The following APPL2 variants were observed in gnomAD, a reference collection of about 807,000 sequenced individuals.
APPL2 encodes the protein adaptor protein, phosphotyrosine interacting with PH domain and leucine zipper 2.
APPL2 carries 84 observed loss-of-function variants against 92.7 expected under a neutral mutation model. The ratio of observed to expected loss-of-function variants is 0.91; its 90% CI spans 0.76 to 1.09. The LOEUF is 1.09. Among genes scored for constraint, APPL2 ranks in the 50% least tolerant of loss-of-function variants. The pLI is 0.00. For missense variants in APPL2, 736 were observed against 824.5 expected (o/e 0.89, Z 1.31); for synonymous variants, 291 against 291.0 (o/e 1.00, Z 0.00).
chr12:105,188,963 A>G (rs143047619), intron 16 of APPL2, among the ~76,000 whole-genome samples: 118 of 152,360 alleles, frequency 7.7e-4, no homozygotes, highest in African/African-American at 2.4e-3. Flanking sequence ...ACAGTGGCGC[A>G]TAACTTGACA....
rs549234233 is a variant in APPL2, at chr12:105,215,902, G to T, written c.285+1167C>A. Among the ~76,000 whole-genome samples, 190 of 152,146 alleles carry T rather than the reference G, an allele frequency of 1.2e-3. 1 individual carries two copies. The highest frequency in any genetic ancestry group is 4.3e-3 in the African/African-American group (177 of 41,526). On this transcript the variant is annotated intron_variant, in intron 4 of 20. Coordinates refer to ENST00000258530, the MANE Select transcript of APPL2 (RefSeq NM_018171.5). ...ACTAAAAATACAAAAAATTAGCCGG[G>T]CGTAGTCCCAGCTACTCGGGAGGCT...
intron 2 of APPL2, among the ~76,000 whole-genome samples, chr12:105,225,907 A>C (rs1347068235): frequency 2.0e-5 from 3 of 152,246 alleles, no homozygotes; most frequent in Non-Finnish European, 4.4e-5. Flanking sequence ...TATACCGTGT[A>C]GTCTGATTAA....
intron 2 of APPL2, among the ~76,000 whole-genome samples, chr12:105,224,377 T>C (rs1204683874): frequency 1.3e-5 from 2 of 152,336 alleles, no homozygotes; most frequent in African/African-American, 2.4e-5. Context: ...ATTACAAAGC[T>C]GTGGGCTGAT....
intron 17 of APPL2, 93 bp downstream of exon 17, chr12:105,188,180 C>A (rs945258002): frequency 3.4e-5 from 47 of 1,401,390 alleles, no homozygotes; most frequent in Non-Finnish European, 4.6e-5. Context: ...GTAGTCTCTT[C>A]ATTCCAGTAC....
At chr12:105,186,676 TATATC>T (rs1555248098) in intron 17 of APPL2, among the ~76,000 whole-genome samples, 1 of 32,816 alleles carries the variant, frequency 3.0e-5, no homozygotes, top group East Asian at 1.6e-3. Context: ...ATATATATGA[TATATC>T]ATATATATAT....
intron 4 of APPL2, among the ~76,000 whole-genome samples, chr12:105,212,414 G>C (rs1375251513): frequency 2.0e-5 from 3 of 152,190 alleles, no homozygotes; most frequent in Admixed American, 2.0e-4. Context: ...CCCATTCTGT[G>C]AGTTAGGTAT....
chr12:105,221,154 T>C (rs183669441), intron 2 of APPL2, among the ~76,000 whole-genome samples: 4 of 152,328 alleles, frequency 2.6e-5, no homozygotes, highest in Admixed American at 6.5e-5. Context: ...AGCTAATTAA[T>C]CCACGCCCTG....
chr12:105,176,686 G>A, intron 19 of APPL2, 190 bp downstream of exon 19: 1 of 662,542 alleles, frequency 1.5e-6, no homozygotes, highest in South Asian at 2.4e-5. Context: ...TGGTTGATAG[G>A]TATTTTCCAC....
chr12:105,231,873 C>T (rs1476526747), intron 1 of APPL2, among the ~76,000 whole-genome samples: 1 of 152,198 alleles, frequency 6.6e-6, no homozygotes, highest in African/African-American at 2.4e-5. Context: ...ACTGGCTATC[C>T]TCATTTACTA....
At chr12:105,183,070 C>CTTTTTTTTTT (rs56345779) in intron 17 of APPL2, among the ~76,000 whole-genome samples, 1 of 88,398 alleles carries the variant, frequency 1.1e-5, no homozygotes. Flanking sequence ...GCAACCCCTG[C>CTTTTTTTTTT]TTTTTTTTTT....
chr12:105,224,575 C>T (rs1462534623), intron 2 of APPL2, among the ~76,000 whole-genome samples: 1 of 152,238 alleles, frequency 6.6e-6, no homozygotes, highest in Non-Finnish European at 1.5e-5. Flanking sequence ...TGACCTTAGG[C>T]AAGCTACTTA....
chr12:105,175,037 C>T (rs1203167667), intron 20 of APPL2, among the ~76,000 whole-genome samples: 4 of 152,120 alleles, frequency 2.6e-5, no homozygotes, highest in Non-Finnish European at 5.9e-5. Context: ...GTGTGCACCA[C>T]CACACCCGGC....
chr12:105,174,261 C>T lies in APPL2; in HGVS notation c.*53G>A. ...CCTGTATGTCAGAGACGTTAAAACC[C>T]TTAGGAGGTAGCTCTCCTTCCTGTT... is the stretch of plus-strand genomic sequence containing the variant. On this transcript the variant is annotated 3_prime_UTR_variant, in exon 21 of 21. Transcript: ENST00000258530. 4.4e-6 allele frequency: 7 copies of T among 1,598,442 alleles called. No homozygotes were observed. The South Asian group carries it at 5.7e-5, about 13-fold the overall frequency.
At chr12:105,180,789 T>C (rs897045666) in intron 17 of APPL2, among the ~76,000 whole-genome samples, 1 of 152,236 alleles carries the variant, frequency 6.6e-6, no homozygotes, top group Non-Finnish European at 1.5e-5. Flanking sequence ...ATAGGAATGC[T>C]TGTGATTTTT....
chr12:105,213,416 A>G (rs1172352356), intron 4 of APPL2, among the ~76,000 whole-genome samples: 1 of 152,222 alleles, frequency 6.6e-6, no homozygotes, highest in Non-Finnish European at 1.5e-5. Context: ...TCTTCCTTGC[A>G]TGGCTAAGGC....
chr12:105,208,589 C>A (rs1888957920), intron 5 of APPL2, among the ~76,000 whole-genome samples: 1 of 152,210 alleles, frequency 6.6e-6, no homozygotes, highest in Non-Finnish European at 1.5e-5. Flanking sequence ...TTTCTACACC[C>A]AGAACCTAAA....
chr12:105,223,402 C>G lies in APPL2; in HGVS notation c.154-5677G>C, dbSNP rs79606516. Among the ~76,000 whole-genome samples the G allele has an allele frequency of 2.8e-3, 427 of 152,188 alleles. 16 individuals are homozygous for G. The East Asian group carries it at 0.07, about 25-fold the overall frequency. The stretch of plus-strand genomic sequence containing the variant: ...ACACAGACTCGCCAGAGAAGGATTC[C>G]AAAGGAATTCTGCAGGACCCCAAGA... On this transcript the variant is annotated intron_variant, in intron 2 of 20. Coordinates refer to ENST00000258530, the MANE Select transcript of APPL2 (RefSeq NM_018171.5).
chr12:105,185,788 G>T (rs543711628), intron 17 of APPL2, among the ~76,000 whole-genome samples: 31 of 152,244 alleles, frequency 2.0e-4, no homozygotes, highest in Admixed American at 1.2e-3. Flanking sequence ...GCAGGGGTAT[G>T]TTTACTGTGG....
Position 105,230,771 on chromosome 12 carries a change from C to T in APPL2, c.55-1548G>A, listed in dbSNP as rs141341035. 1.7e-3 allele frequency among the ~76,000 whole-genome samples: 254 copies of T among 152,302 alleles called. 1 individual carries two copies. The highest frequency in any genetic ancestry group is 5.7e-3 in the African/African-American group (237 of 41,562). ...AGCAATGCATGCTTATCCCGCTTTG[C>T]CCAGTCTTCCGGGCTAAAAACACCA... is the stretch of plus-strand genomic sequence containing the variant. On this transcript the variant is annotated intron_variant, in intron 1 of 20. Coordinates refer to ENST00000258530, the MANE Select transcript of APPL2 (RefSeq NM_018171.5).
Sources: gnomAD v4.1 joint callset for allele counts (sites outside exome capture counted in the v4.1 genomes callset) on GRCh38, gnomAD v4.1.1 for gene constraint, MANE v1.5 for transcripts, NCBI Gene and HGNC (gene_info 2026-07-23, HGNC 2026-07-21) for gene names.